IGSF11: variants seen among roughly 807,000 people sequenced by gnomAD.
IGSF11 encodes the protein immunoglobulin superfamily member 11.
IGSF11 carries 22 observed loss-of-function variants against 41.0 expected under a neutral mutation model. That is an observed-to-expected ratio of 0.54 (90% CI 0.38 to 0.77). IGSF11 has a LOEUF of 0.77. Among genes scored for constraint, IGSF11 ranks in the 30% least tolerant of loss-of-function variants. IGSF11 has a pLI of 0.00. For synonymous variants in IGSF11, 219 were observed against 201.3 expected, an observed-to-expected ratio of 1.09 and a Z score of -0.74; for missense variants, 444 against 530.8, an observed-to-expected ratio of 0.84 and a Z score of 1.61.
intron 1 of IGSF11, among the ~76,000 whole-genome samples, chr3:119,008,163 T>C (rs6803273): frequency 0.4 from 60,486 of 151,916 alleles, 14,766 homozygotes; most frequent in African/African-American, 0.69. Context: ...GGTTAAGAAA[T>C]GAACAACAAC....
chr3:118,914,291 C>A (rs1399721852), intron 4 of IGSF11, among the ~76,000 whole-genome samples: 1 of 152,000 alleles, frequency 6.6e-6, no homozygotes, highest in African/African-American at 2.4e-5. Flanking sequence ...GTCTACAGCT[C>A]CCAGCGTGAG....
chr3:119,043,785 G>A (rs373353853), intron 1 of IGSF11, among the ~76,000 whole-genome samples: 3 of 152,096 alleles, frequency 2.0e-5, no homozygotes, highest in African/African-American at 4.8e-5. Context: ...AGCCCCACTG[G>A]GTGGCTAGAT....
At chr3:119,098,891 C>G (rs924471118) in intron 1 of IGSF11, among the ~76,000 whole-genome samples, 1 of 152,114 alleles carries the variant, frequency 6.6e-6, no homozygotes, top group African/African-American at 2.4e-5. Flanking sequence ...ATCAAAATAA[C>G]TTTTCTACTC....
At chr3:119,143,465 A>C (rs543681099) in intron 1 of IGSF11, among the ~76,000 whole-genome samples, 1 of 152,298 alleles carries the variant, frequency 6.6e-6, no homozygotes, top group Non-Finnish European at 1.5e-5. Context: ...ACAATAACTA[A>C]AAATATATAT....
At chr3:119,093,846 A>C (rs1352694373) in intron 1 of IGSF11, among the ~76,000 whole-genome samples, 1 of 152,218 alleles carries the variant, frequency 6.6e-6, no homozygotes, top group Non-Finnish European at 1.5e-5. Flanking sequence ...ACCCAAAAGA[A>C]GGCTTAACTT....
intron 1 of IGSF11, among the ~76,000 whole-genome samples, chr3:119,098,036 G>A (rs999993635): frequency 5.0e-5 from 7 of 139,116 alleles, no homozygotes; most frequent in African/African-American, 1.9e-4. Context: ...CTGAGCTCAG[G>A]CAATCCTCAC....
upstream of IGSF11, among the ~76,000 whole-genome samples, chr3:119,036,555 TTAAA>T (rs1940912357): frequency 6.6e-6 from 1 of 152,196 alleles, no homozygotes; most frequent in Non-Finnish European, 1.5e-5. Flanking sequence ...TATTTATCCT[TTAAA>T]TAAATATCCT....
At chr3:118,912,604 C>T (rs765003022) in intron 4 of IGSF11, among the ~76,000 whole-genome samples, 10 of 149,718 alleles carry the variant, frequency 6.7e-5, no homozygotes, top group Admixed American at 1.3e-4. Context: ...AAATAGAAAA[C>T]ATAACCTACA....
intron 1 of IGSF11, among the ~76,000 whole-genome samples, chr3:119,045,780 C>T (rs6796939): frequency 0.16 from 23,400 of 150,236 alleles, 619 homozygotes; most frequent in South Asian, 0.25. Flanking sequence ...GTTCTCCCAG[C>T]ACGCAGCTGG....
chr3:118,942,879 G>C (rs1460595450), intron 1 of IGSF11, among the ~76,000 whole-genome samples: 1 of 152,182 alleles, frequency 6.6e-6, no homozygotes, highest in Non-Finnish European at 1.5e-5. Context: ...GAGGAGGTAG[G>C]AGGGGCTGCC....
At chr3:118,924,676 T>A (rs533666817) in intron 4 of IGSF11, among the ~76,000 whole-genome samples, 4 of 152,206 alleles carry the variant, frequency 2.6e-5, no homozygotes, top group Admixed American at 1.3e-4. Context: ...ATAAAGAGGT[T>A]ATGGAAGGCT....
chr3:119,062,986 C>T (rs1015623668), intron 1 of IGSF11, among the ~76,000 whole-genome samples: 3 of 152,086 alleles, frequency 2.0e-5, no homozygotes, highest in African/African-American at 4.8e-5. Context: ...GAATTGTCAA[C>T]GGAATTATAT....
chr3:119,091,996 G>T (rs887197691), intron 1 of IGSF11, among the ~76,000 whole-genome samples: 28 of 87,788 alleles, frequency 3.2e-4, no homozygotes, highest in South Asian at 5.0e-4. Flanking sequence ...GTTTTTTTGG[G>T]GGGGGGGGGT....
chr3:118,998,327 A>G (rs1936470564), intron 1 of IGSF11, among the ~76,000 whole-genome samples: 1 of 152,178 alleles, frequency 6.6e-6, no homozygotes, highest in African/African-American at 2.4e-5. Flanking sequence ...AATACAAGAA[A>G]TATTAGAATT....
At chr3:118,909,761 T>C (rs1187363493) in intron 4 of IGSF11, among the ~76,000 whole-genome samples, 2 of 152,242 alleles carry the variant, frequency 1.3e-5, no homozygotes, top group Middle Eastern at 3.2e-3. Flanking sequence ...GAAACAGATA[T>C]TGCTTTTGCC....
upstream of IGSF11, among the ~76,000 whole-genome samples, chr3:119,105,568 T>A (rs902702887): frequency 6.6e-6 from 1 of 152,200 alleles, no homozygotes; most frequent in Non-Finnish European, 1.5e-5. Context: ...GTCACCTGCA[T>A]CAGTCACAAC....
intron 1 of IGSF11, among the ~76,000 whole-genome samples, chr3:118,999,431 A>C (rs1404954690): frequency 6.6e-6 from 1 of 152,202 alleles, no homozygotes; most frequent in Non-Finnish European, 1.5e-5. Flanking sequence ...TATGTACTCC[A>C]TTGAGTAATA....
chr3:118,976,762 T>C (rs1482245355), intron 1 of IGSF11, among the ~76,000 whole-genome samples: 1 of 152,220 alleles, frequency 6.6e-6, no homozygotes, highest in East Asian at 1.9e-4. Context: ...TCAAAGTTCC[T>C]ACTACCATGG....
chr3:118,922,339 T>A (rs1190469899), intron 4 of IGSF11, among the ~76,000 whole-genome samples: 1 of 152,132 alleles, frequency 6.6e-6, no homozygotes, highest in Non-Finnish European at 1.5e-5. Flanking sequence ...TATTTTGATA[T>A]ACATATATAC....
Sources: gnomAD v4.1 joint callset for allele counts (sites outside exome capture counted in the v4.1 genomes callset) on GRCh38, gnomAD v4.1.1 for gene constraint, MANE v1.5 for transcripts, NCBI Gene and HGNC (gene_info 2026-07-23, HGNC 2026-07-21) for gene names.